Variants in IKZF3 observed in about 807,000 individuals in gnomAD.
IKZF3 encodes IKAROS family zinc finger 3, also known as zinc finger protein Aiolos.
A neutral mutation model predicts 49.0 loss-of-function variants in IKZF3; 10 were observed. The ratio of observed to expected loss-of-function variants is 0.20; its 90% CI spans 0.13 to 0.35. IKZF3 has a LOEUF of 0.35. Among genes scored for constraint, IKZF3 ranks in the 10% least tolerant of loss-of-function variants. The probability of loss-of-function intolerance (pLI) is 1.00; values close to 1 mark genes in which losing one functional copy is unlikely to be tolerated. For missense variants in IKZF3, 498 were observed against 664.8 expected (o/e 0.75, Z 2.76); for synonymous variants, 209 against 228.2 (o/e 0.92, Z 0.76).
chr17:39,790,344 T>C (rs2060985809), intron 5 of IKZF3, among the ~76,000 whole-genome samples: 1 of 148,898 alleles, frequency 6.7e-6, no homozygotes, highest in African/African-American at 2.6e-5. Flanking sequence ...AGAGAACTAT[T>C]CTAATTTTTT....
intron 1 of IKZF3, among the ~76,000 whole-genome samples, chr17:39,852,395 G>A (rs2062902949): frequency 6.6e-6 from 1 of 152,124 alleles, no homozygotes; most frequent in Admixed American, 6.5e-5. Context: ...TCACTAGCAA[G>A]TGTTATGTTG....
chr17:39,850,016 GGTGT>G (rs1016784737), intron 1 of IKZF3, among the ~76,000 whole-genome samples: 1 of 133,932 alleles, frequency 7.5e-6, no homozygotes, highest in Non-Finnish European at 1.6e-5. Context: ...TATTCCTGGG[GGTGT>G]GTGTGTGTGT....
At chr17:39,797,336 C>T (rs1217071662) in intron 3 of IKZF3, among the ~76,000 whole-genome samples, 1 of 152,088 alleles carries the variant, frequency 6.6e-6, no homozygotes, top group Non-Finnish European at 1.5e-5. Flanking sequence ...TTTTTGTATG[C>T]CACTCTCTCC....
At chr17:39,841,870 C>G (rs185458786) in intron 1 of IKZF3, among the ~76,000 whole-genome samples, 1 of 151,694 alleles carries the variant, frequency 6.6e-6, no homozygotes, top group East Asian at 2.0e-4. Context: ...CATAGTGAGA[C>G]CCTGTCTCTA....
chr17:39,820,460 G>C (rs2061780291), intron 3 of IKZF3, among the ~76,000 whole-genome samples: 1 of 152,194 alleles, frequency 6.6e-6, no homozygotes, highest in African/African-American at 2.4e-5. Context: ...GTAGGATAGA[G>C]GTGGGGTTTT....
chr17:39,807,605 G>A (rs567314049), intron 3 of IKZF3, among the ~76,000 whole-genome samples: 2 of 125,168 alleles, frequency 1.6e-5, no homozygotes, highest in South Asian at 5.0e-4. Flanking sequence ...CCAGCTACTC[G>A]GGCGGCTGAG....
At chr17:39,800,612 G>A (rs1249520422) in intron 3 of IKZF3, among the ~76,000 whole-genome samples, 2 of 152,036 alleles carry the variant, frequency 1.3e-5, no homozygotes, top group East Asian at 3.8e-4. Flanking sequence ...TCCCATCTTT[G>A]TCTATGTTTT....
chr17:39,783,504 T>C (rs1270241541), intron 6 of IKZF3, among the ~76,000 whole-genome samples: 1 of 152,140 alleles, frequency 6.6e-6, no homozygotes, highest in East Asian at 1.9e-4. Flanking sequence ...GTATTTTTAG[T>C]AGAGATGGGG....
At chr17:39,784,542 T>A (rs1360610190) in intron 6 of IKZF3, among the ~76,000 whole-genome samples, 1 of 152,148 alleles carries the variant, frequency 6.6e-6, no homozygotes, top group African/African-American at 2.4e-5. Context: ...TAGCTGGGAC[T>A]ACAGGTGAGC....
At chr17:39,820,533 CTT>C (rs1363143784) in intron 3 of IKZF3, among the ~76,000 whole-genome samples, 1 of 152,144 alleles carries the variant, frequency 6.6e-6, no homozygotes, top group East Asian at 1.9e-4. Context: ...CATATTTGGT[CTT>C]TGTTCCTGCT....
At chr17:39,812,049 A>C (rs1358838009) in intron 3 of IKZF3, among the ~76,000 whole-genome samples, 1 of 152,244 alleles carries the variant, frequency 6.6e-6, no homozygotes, top group Non-Finnish European at 1.5e-5. Context: ...TAAGGTTTAC[A>C]ATTGTGTCCA....
chr17:39,771,233 G>A (rs898058414), intron 7 of IKZF3, among the ~76,000 whole-genome samples: 1 of 152,224 alleles, frequency 6.6e-6, no homozygotes, highest in African/African-American at 2.4e-5. Context: ...CAGAGGGAAA[G>A]GGGGCTTAGT....
At chr17:39,841,352 A>G (rs2062460803) in intron 1 of IKZF3, among the ~76,000 whole-genome samples, 1 of 152,054 alleles carries the variant, frequency 6.6e-6, no homozygotes, top group Non-Finnish European at 1.5e-5. Flanking sequence ...CCCCCACTAG[A>G]GGCTAAATGG....
chr17:39,824,669 G>A (rs909136579), intron 3 of IKZF3, among the ~76,000 whole-genome samples: 1 of 151,590 alleles, frequency 6.6e-6, no homozygotes, highest in African/African-American at 2.4e-5. Context: ...GTGATAGTGA[G>A]TGAGTTCTCA....
intron 1 of IKZF3, among the ~76,000 whole-genome samples, chr17:39,857,259 G>C (rs1032398258): frequency 2.6e-5 from 4 of 152,106 alleles, no homozygotes; most frequent in African/African-American, 9.7e-5. Flanking sequence ...AAATGTTATA[G>C]GTTTGTGAGA....
chr17:39,837,171 A>G (rs1482293404), intron 1 of IKZF3, among the ~76,000 whole-genome samples: 1 of 151,566 alleles, frequency 6.6e-6, no homozygotes, highest in East Asian at 1.9e-4. Flanking sequence ...CTGGGCTCAA[A>G]TGATCCTCCC....
intron 3 of IKZF3, among the ~76,000 whole-genome samples, chr17:39,814,175 A>AT (rs199974361): frequency 6.6e-6 from 1 of 152,194 alleles, no homozygotes; most frequent in Non-Finnish European, 1.5e-5. Context: ...AAGAAGAATT[A>AT]TTTTTTTCAG....
Position 39,758,928 on chromosome 17 carries a change from T to C in IKZF3, c.*6862A>G, listed in dbSNP as rs904997982. ...ATTTTCCACTGAAAATTTACAATCA[T>C]CCAACATAATGCACACCACCCCTCA... On this transcript the variant is annotated 3_prime_UTR_variant, in exon 8 of 8. Coordinates refer to ENST00000346872, the MANE Select transcript of IKZF3 (RefSeq NM_012481.5). The C allele has an allele frequency of 2.0e-5, 3 of 149,882 alleles. No homozygotes were observed. The highest frequency in any genetic ancestry group is 4.4e-5 in the Non-Finnish European group (3 of 67,664). 9.3% of individuals were successfully genotyped at this position (149,882 alleles called of 1,614,324 possible). A position where few individuals can be genotyped will look rare whatever the true frequency, so the allele number is the denominator to read the frequency against.
intron 1 of IKZF3, among the ~76,000 whole-genome samples, chr17:39,854,911 A>G (rs1241421753): frequency 6.6e-6 from 1 of 152,218 alleles, no homozygotes; most frequent in Non-Finnish European, 1.5e-5. Flanking sequence ...TAAATGTCCA[A>G]CCAAAAAATA....
Sources: gnomAD v4.1 joint callset for allele counts (sites outside exome capture counted in the v4.1 genomes callset) on GRCh38, gnomAD v4.1.1 for gene constraint, MANE v1.5 for transcripts, NCBI Gene and HGNC (gene_info 2026-07-23, HGNC 2026-07-21) for gene names.